Variants in SYNJ2 observed in about 807,000 individuals in gnomAD.
SYNJ2 encodes the protein polyphosphatidylinositol phosphatase SYNJ2.
SYNJ2 carries 116 observed loss-of-function variants against 141.3 expected under a neutral mutation model. That is an observed-to-expected ratio of 0.82 (90% confidence interval 0.71 to 0.96). SYNJ2 has a LOEUF of 0.96. SYNJ2 is among the 40% of genes least tolerant of loss of function. SYNJ2 has a pLI of 0.00. For synonymous variants in SYNJ2, 745 were observed against 777.7 expected (o/e 0.96, Z 0.70); for missense variants, 1,873 against 1,934.8 (o/e 0.97, Z 0.60).
Position 157,998,974 on chromosome 6 carries a change from C to T in SYNJ2, c.127+16886C>T, listed in dbSNP as rs577240232. The stretch of plus-strand genomic sequence containing the variant: ...TGGAAAACTCCAATATATCAAAAGA[C>T]ACCATAAACGTAGTGAAAAGACAAG... On this transcript the variant is annotated intron_variant, in intron 1 of 26. Coordinates refer to ENST00000355585, the MANE Select transcript of SYNJ2 (RefSeq NM_003898.4). 3.6e-4 allele frequency among the ~76,000 whole-genome samples: 55 copies of T among 152,256 alleles called. No homozygotes were observed. The South Asian group carries it at 9.3e-3, about 26-fold the overall frequency.
At chr6:158,011,617 C>T (rs1260168207) in intron 1 of SYNJ2, among the ~76,000 whole-genome samples, 1 of 152,146 alleles carries the variant, frequency 6.6e-6, no homozygotes. Context: ...TTCCCAGTGG[C>T]CGGGATGTGA....
intron 1 of SYNJ2, among the ~76,000 whole-genome samples, chr6:157,987,761 A>G (rs1054234527): frequency 1.3e-5 from 2 of 152,208 alleles, no homozygotes; most frequent in Non-Finnish European, 2.9e-5. Flanking sequence ...CAAAATATAC[A>G]TTATTATTAA....
intron 5 of SYNJ2, among the ~76,000 whole-genome samples, chr6:158,045,723 C>T (rs1243427845): frequency 6.6e-6 from 1 of 152,150 alleles, no homozygotes; most frequent in Non-Finnish European, 1.5e-5. Context: ...AAATGACACT[C>T]CTTTTTGTCG....
chr6:158,085,028 T>C (rs1265115424), intron 22 of SYNJ2, among the ~76,000 whole-genome samples: 1 of 151,276 alleles, frequency 6.6e-6, no homozygotes. Flanking sequence ...ATACAACTTT[T>C]TTTTTTTTTT....
At chr6:158,033,366 C>G (rs564259716) in intron 3 of SYNJ2, 89 bp from the exon 4 acceptor site, 2 of 1,436,798 alleles carry the variant, frequency 1.4e-6, no homozygotes, top group South Asian at 2.6e-5. Context: ...ACCGTGCGCC[C>G]CCCAGTTCCT....
intron 1 of SYNJ2, among the ~76,000 whole-genome samples, chr6:157,988,273 G>T (rs553302274): frequency 6.6e-6 from 1 of 152,256 alleles, no homozygotes; most frequent in South Asian, 2.1e-4. Context: ...TGAAGCCCAG[G>T]TTGGGGGAAG....
chr6:158,097,274 G>T lies in SYNJ2; in HGVS notation c.*910G>T, dbSNP rs1348501919. 6.6e-6 allele frequency: 1 copy of T among 152,224 alleles called. No individual in the cohort carries two copies. Among genetic ancestry groups the T allele is most frequent in the Non-Finnish European group, 1.5e-5 (1 of 68,050 alleles). 9.4% of individuals were successfully genotyped at this position (152,224 alleles called of 1,614,324 possible). A position where few individuals can be genotyped will look rare whatever the true frequency, so the allele number is the denominator to read the frequency against. ...TATGGAGAGTGTTTCAGCCTCGTCT[G>T]TCCGGCTGGAGCTTCGGGATGGAAA... On this transcript the variant is annotated 3_prime_UTR_variant, in exon 27 of 27. Transcript: ENST00000355585.
intron 1 of SYNJ2, among the ~76,000 whole-genome samples, chr6:157,988,453 A>AG (rs1355229896): frequency 3.6e-4 from 55 of 152,300 alleles, no homozygotes; most frequent in African/African-American, 1.3e-3. Context: ...AGCTGGGCAT[A>AG]CAGGATGCAG....
intron 12 of SYNJ2, chr6:158,067,674 C>T (rs1308883547): frequency 1.0e-6 from 1 of 985,438 alleles, no homozygotes; most frequent in Non-Finnish European, 1.2e-6. Context: ...TGTGTACATT[C>T]ATGCCCCACA....
At chr6:158,090,762 C>T (rs1462243694) in intron 25 of SYNJ2, among the ~76,000 whole-genome samples, 1 of 151,670 alleles carries the variant, frequency 6.6e-6, no homozygotes, top group African/African-American at 2.4e-5. Flanking sequence ...CCAGGCTGGT[C>T]TTGAACTCCC....
Position 158,092,958 on chromosome 6 carries a change from C to A in SYNJ2, c.3598C>A (p.Pro1200Thr). The change falls in exon 26 of 27, where the codon CCA (proline) becomes ACA (threonine). Residue 1200 changes from proline to threonine, a missense_variant. Transcript: ENST00000355585. ...CGAAGAAGCCCTAAGTGCCGTGGCC[C>A]CAAGGGACCTTGAAGCATCCTCTGA... ...ASEEALSAVA[P>T]RDLEASSEPE... 6.2e-7 allele frequency: 1 copy of A among 1,605,862 alleles called. No individual in the cohort carries two copies. Among genetic ancestry groups the A allele is most frequent in the Non-Finnish European group, 8.5e-7 (1 of 1,177,902 alleles).
At chr6:157,981,630 C>G (rs1339713284), upstream of SYNJ2, among the ~76,000 whole-genome samples, 2 of 151,930 alleles carry the variant, frequency 1.3e-5, no homozygotes, top group African/African-American at 4.8e-5. The surrounding 1 kb of genome is among the most constrained non-coding windows in gnomAD (Gnocchi z 6.4). Context: ...TCCTCCGCAG[C>G]GAGGAATGCG....
At chr6:158,063,250 C>T (rs11963251) in intron 8 of SYNJ2, among the ~76,000 whole-genome samples, 3,044 of 152,184 alleles carry the variant, frequency 0.02, 91 homozygotes, top group African/African-American at 0.065. Flanking sequence ...AAACGTAAAA[C>T]GACCCAGCTG....
chr6:157,998,150 G>A (rs902172010), intron 1 of SYNJ2, among the ~76,000 whole-genome samples: 1 of 152,224 alleles, frequency 6.6e-6, no homozygotes, highest in African/African-American at 2.4e-5. Flanking sequence ...GGGAGCGAGG[G>A]GTCTTCCTGG....
Position 158,043,257 on chromosome 6 carries a change from C to A in SYNJ2, c.712-59C>A. 2 of 1,508,178 alleles carry A rather than the reference C, an allele frequency of 1.3e-6. No homozygotes were observed. The highest frequency in any genetic ancestry group is 1.8e-6 in the Non-Finnish European group (2 of 1,087,394). The allele number at this position is 1,508,178 out of a possible 1,614,324, so 93.4% of individuals were successfully genotyped here. ...CAGGTGGCCGGATCCCGTTACCCAG[C>A]CCAGGACGTTCGGTTTCATTGAAGA... On this transcript the variant is annotated intron_variant, in intron 4 of 26. Coordinates refer to ENST00000355585, the MANE Select transcript of SYNJ2 (RefSeq NM_003898.4). This position sits in a 1 kb window ranked among gnomAD's most constrained non-coding sequence, Gnocchi z 4.0.
chr6:157,996,420 T>A (rs937530378), intron 1 of SYNJ2, among the ~76,000 whole-genome samples: 1 of 152,106 alleles, frequency 6.6e-6, no homozygotes, highest in African/African-American at 2.4e-5. Flanking sequence ...CGTATAGGGA[T>A]CTGCTTGAAG....
At chr6:157,997,096 C>T (rs141381143) in intron 1 of SYNJ2, among the ~76,000 whole-genome samples, 1 of 148,454 alleles carries the variant, frequency 6.7e-6, no homozygotes, top group East Asian at 2.0e-4. Context: ...TACCCTGCAG[C>T]CCCCACACAC....
intron 12 of SYNJ2, among the ~76,000 whole-genome samples, chr6:158,066,880 G>A (rs904652052): frequency 2.0e-5 from 3 of 152,194 alleles, no homozygotes; most frequent in African/African-American, 7.2e-5. Context: ...TTTGCATACA[G>A]TGATGGTGAA....
chr6:158,045,420 A>C (rs28670865), intron 5 of SYNJ2, among the ~76,000 whole-genome samples: 5 of 152,214 alleles, frequency 3.3e-5, no homozygotes, highest in Non-Finnish European at 7.4e-5. Flanking sequence ...AGGCCAGTTC[A>C]GGGATCCTCT....
Sources: gnomAD v4.1 joint callset for allele counts (sites outside exome capture counted in the v4.1 genomes callset) on GRCh38, gnomAD v4.1.1 for gene constraint, Gnocchi (gnomAD v3.1) non-coding constraint, MANE v1.5 for transcripts, NCBI Gene and HGNC (gene_info 2026-07-23, HGNC 2026-07-21) for gene names.